Variants in ENOX1 observed in about 807,000 individuals in gnomAD.
ENOX1 encodes candidate growth-related and time keeping constitutive hydroquinone (NADH) oxidase.
ENOX1 carries 42 observed loss-of-function variants against 82.5 expected under a neutral mutation model. That is an observed-to-expected ratio of 0.51 (90% CI 0.40 to 0.66). The LOEUF (loss-of-function observed/expected upper bound fraction) is 0.66. Ranked by LOEUF, ENOX1 falls within the 30% of genes least tolerant of loss-of-function variation. The pLI is 0.00. For synonymous variants in ENOX1, 271 were observed against 282.2 expected, an observed-to-expected ratio of 0.96 and a Z score of 0.40; for missense variants, 608 against 811.6, an observed-to-expected ratio of 0.75 and a Z score of 3.05.
intron 3 of ENOX1, among the ~76,000 whole-genome samples, chr13:43,420,548 G>A (rs1209701244): frequency 6.6e-6 from 1 of 152,208 alleles, no homozygotes; most frequent in East Asian, 1.9e-4. Context: ...TAGGGGCAGA[G>A]TAGGAATTGC....
At chr13:43,364,354 G>T (rs2050710734) in intron 5 of ENOX1, among the ~76,000 whole-genome samples, 1 of 152,154 alleles carries the variant, frequency 6.6e-6, no homozygotes, top group Non-Finnish European at 1.5e-5. Context: ...ATCACAGCAA[G>T]AAAGAATCCA....
intron 1 of ENOX1, among the ~76,000 whole-genome samples, chr13:43,732,956 T>C (rs1352988182): frequency 6.6e-6 from 1 of 152,170 alleles, no homozygotes; most frequent in African/African-American, 2.4e-5. Flanking sequence ...TTACATCTAA[T>C]TGCACGGAGG....
chr13:43,352,826 C>T (rs888600773), intron 8 of ENOX1, among the ~76,000 whole-genome samples: 2 of 152,230 alleles, frequency 1.3e-5, no homozygotes, highest in African/African-American at 2.4e-5. Flanking sequence ...GATCCTCCCT[C>T]TCTCACTCCA....
At chr13:43,673,251 T>C (rs2153792120) in intron 1 of ENOX1, among the ~76,000 whole-genome samples, 1 of 152,132 alleles carries the variant, frequency 6.6e-6, no homozygotes, top group East Asian at 1.9e-4. Flanking sequence ...GATCAAATCA[T>C]GCTTACAAAA....
intron 12 of ENOX1, among the ~76,000 whole-genome samples, chr13:43,282,831 G>A (rs1012262920): frequency 4.6e-5 from 7 of 151,736 alleles, no homozygotes; most frequent in Middle Eastern, 3.4e-3. Flanking sequence ...GGTGGCTTAT[G>A]CCTGTAATCC....
chr13:43,398,803 CT>C (rs537591506), intron 5 of ENOX1, among the ~76,000 whole-genome samples: 327 of 140,170 alleles, frequency 2.3e-3, no homozygotes, highest in Middle Eastern at 0.011. Context: ...ATTTCTTCTT[CT>C]TTTTTTTTTT....
intron 1 of ENOX1, among the ~76,000 whole-genome samples, chr13:43,763,358 C>T (rs1190013112): frequency 1.3e-5 from 2 of 152,122 alleles, no homozygotes; most frequent in African/African-American, 4.8e-5. Context: ...GTAAAGGGGG[C>T]AAGGGAGTGC....
chr13:43,218,636 G>T (rs2153449461), intron 16 of ENOX1, among the ~76,000 whole-genome samples: 1 of 152,236 alleles, frequency 6.6e-6, no homozygotes, highest in Admixed American at 6.5e-5. Flanking sequence ...AAGAAAAAAA[G>T]GGATCTCAGC....
intron 1 of ENOX1, among the ~76,000 whole-genome samples, chr13:43,780,551 A>G (rs1001137934): frequency 6.6e-6 from 1 of 152,238 alleles, no homozygotes; most frequent in Non-Finnish European, 1.5e-5. Context: ...GGTAAAGGGC[A>G]CTCACTGTAA....
At position 43,333,747 on chromosome 13, in the gene ENOX1, C is replaced by T. The variant is rs78713517; in HGVS notation, c.1037-7222G>A. Among the ~76,000 whole-genome samples the T allele has an allele frequency of 5.3e-5, 8 of 152,316 alleles. No homozygotes were observed. The East Asian group carries it at 9.6e-4, about 18-fold the overall frequency. On this transcript the variant is annotated intron_variant, in intron 9 of 16. Transcript: ENST00000690772. Reference sequence around the variant, plus strand: ...AAGTGATTCTTCAGCCTCAGCCTTCCGAGTAGCTGGTATTACAGGTGCGCA... The same window carrying T: ...AAGTGATTCTTCAGCCTCAGCCTTCTGAGTAGCTGGTATTACAGGTGCGCA...
At chr13:43,245,911 G>A (rs2043060301) in intron 14 of ENOX1, among the ~76,000 whole-genome samples, 1 of 152,148 alleles carries the variant, frequency 6.6e-6, no homozygotes, top group African/African-American at 2.4e-5. Context: ...CAAGAACCGT[G>A]TTTTCTAAGA....
chr13:43,327,533 T>C (rs2048180222), intron 9 of ENOX1, among the ~76,000 whole-genome samples: 1 of 152,204 alleles, frequency 6.6e-6, no homozygotes, highest in Non-Finnish European at 1.5e-5. Context: ...TTAAGGAAAT[T>C]AAAGCACTAA....
chr13:43,408,018 G>C (rs1399922449), intron 5 of ENOX1, among the ~76,000 whole-genome samples: 1 of 152,206 alleles, frequency 6.6e-6, no homozygotes, highest in Non-Finnish European at 1.5e-5. Flanking sequence ...TGGTATATTT[G>C]GGATAAAAGG....
At chr13:43,534,918 A>G (rs1298793869) in intron 2 of ENOX1, among the ~76,000 whole-genome samples, 1 of 152,218 alleles carries the variant, frequency 6.6e-6, no homozygotes, top group Non-Finnish European at 1.5e-5. Flanking sequence ...TGTCAAATGC[A>G]TGCTTCTGGA....
At chr13:43,371,940 G>C (rs1209641100) in intron 5 of ENOX1, among the ~76,000 whole-genome samples, 5 of 152,180 alleles carry the variant, frequency 3.3e-5, no homozygotes, top group Non-Finnish European at 5.9e-5. Context: ...TTTTCTACTA[G>C]ACTGTGTGGG....
At chr13:43,437,241 G>A (rs573349177) in intron 3 of ENOX1, among the ~76,000 whole-genome samples, 3 of 152,208 alleles carry the variant, frequency 2.0e-5, no homozygotes, top group East Asian at 1.9e-4. Context: ...AAAATAATCC[G>A]CACATTGGGA....
intron 1 of ENOX1, among the ~76,000 whole-genome samples, chr13:43,727,652 CTAAG>C (rs2089069745): frequency 6.6e-6 from 1 of 152,132 alleles, no homozygotes; most frequent in Admixed American, 6.6e-5. Flanking sequence ...CATTAAATGG[CTAAG>C]TAAAAGAGAT....
At chr13:43,290,172 C>T (rs2045919531) in intron 12 of ENOX1, among the ~76,000 whole-genome samples, 1 of 152,180 alleles carries the variant, frequency 6.6e-6, no homozygotes, top group Admixed American at 6.5e-5. Flanking sequence ...CTGGAGATTT[C>T]TCAAAGAACT....
intron 9 of ENOX1, among the ~76,000 whole-genome samples, chr13:43,337,679 C>T (rs188132178): frequency 8.2e-4 from 125 of 152,194 alleles, no homozygotes; most frequent in Middle Eastern, 3.4e-3. Flanking sequence ...GACAGCACAC[C>T]TCTTCAACTC....
Sources: gnomAD v4.1 joint callset for allele counts (sites outside exome capture counted in the v4.1 genomes callset) on GRCh38, gnomAD v4.1.1 for gene constraint, MANE v1.5 for transcripts, NCBI Gene and HGNC (gene_info 2026-07-23, HGNC 2026-07-21) for gene names.